Variants in LRP1 observed in about 807,000 individuals in gnomAD.
LRP1 encodes the protein prolow-density lipoprotein receptor-related protein 1.
In LRP1, 51 loss-of-function variants were observed where a neutral mutation model predicts 541.5. The ratio of observed to expected loss-of-function variants is 0.09; its 90% CI spans 0.08 to 0.12. The LOEUF (loss-of-function observed/expected upper bound fraction) is 0.12. LRP1 is among the 10% of genes least tolerant of loss of function. The pLI is 1.00. For missense variants in LRP1, 3,878 were observed against 6,376.2 expected (o/e 0.61, Z 13.34); for synonymous variants, 2,219 against 2,470.8 (o/e 0.90, Z 3.02).
At chr12:57,143,859 G>C in intron 4 of LRP1, 61 bp downstream of exon 4, 1 of 1,547,656 alleles carries the variant, frequency 6.5e-7, no homozygotes. Context: ...GAGGTGGGCA[G>C]GGAGGGGCAG....
At chr12:57,210,520 G>A (rs773130330) in intron 82 of LRP1, 40 bp downstream of exon 82, 4 of 1,509,316 alleles carry the variant, frequency 2.7e-6, no homozygotes, top group African/African-American at 2.8e-5. Flanking sequence ...CCTTGCCCCT[G>A]GGCCCCAGCC....
At chr12:57,192,154 A>C (rs560571430) in intron 44 of LRP1, among the ~76,000 whole-genome samples, 2 of 148,812 alleles carry the variant, frequency 1.3e-5, no homozygotes, top group Non-Finnish European at 3.0e-5. Flanking sequence ...CACCCCACAC[A>C]CCACACCCCA....
At position 57,205,812 on chromosome 12, in the gene LRP1, C is replaced by T. The variant is rs1182769921; in HGVS notation, c.11590+135C>T. 1 of 1,335,464 alleles carries T rather than the reference C, an allele frequency of 7.5e-7. No homozygotes were observed. Among genetic ancestry groups the T allele is most frequent in the Non-Finnish European group, 1.0e-6 (1 of 986,752 alleles). 82.7% of individuals were successfully genotyped at this position (1,335,464 alleles called of 1,614,324 possible). A position where few individuals can be genotyped will look rare whatever the true frequency, so the allele number is the denominator to read the frequency against. On this transcript the variant is annotated intron_variant, in intron 75 of 88. Coordinates refer to ENST00000243077, the MANE Select transcript of LRP1 (RefSeq NM_002332.3). The surrounding 1 kb of genome is among the most constrained non-coding windows in gnomAD (Gnocchi z 4.6). Reference sequence around the variant, plus strand: ...AGAAGCCCCAGACTCATAGTTGCAGCTGCCTGAGCACAGTGCTGGCCCAGC... The same window carrying T: ...AGAAGCCCCAGACTCATAGTTGCAGTTGCCTGAGCACAGTGCTGGCCCAGC...
At chr12:57,143,198 A>G (rs1327367229) in intron 3 of LRP1, among the ~76,000 whole-genome samples, 3 of 152,248 alleles carry the variant, frequency 2.0e-5, no homozygotes, top group African/African-American at 7.2e-5. Flanking sequence ...TGAGGCCTCT[A>G]GGGCTCCGGG....
chr12:57,137,519 G>A (rs2035197678), intron 1 of LRP1, among the ~76,000 whole-genome samples: 1 of 152,144 alleles, frequency 6.6e-6, no homozygotes, highest in African/African-American at 2.4e-5. Context: ...GTCTCCCTGA[G>A]GTCTAACCAA....
chr12:57,185,898 C>A lies in LRP1; in HGVS notation c.6831C>A (p.Thr2277=), dbSNP rs764581334. The A allele has an allele frequency of 6.2e-7, 1 of 1,612,594 alleles. No individual in the cohort carries two copies. The highest frequency in any genetic ancestry group is 8.5e-7 in the Non-Finnish European group (1 of 1,178,938). Residue 2277 remains threonine (T), a synonymous_variant, in exon 41 of 89, where the codon ACC becomes ACA. Transcript: ENST00000243077. This position sits in a 1 kb window ranked among gnomAD's most constrained non-coding sequence, Gnocchi z 4.9. ...QINDDGSRRI[T]IVENVGSVEG... is the part of the protein sequence containing the mutation. ...ACGACGATGGCTCCAGGAGGATCACCATTGTGGAAAGTGAGCCCAGACCCT... is the reference window on the plus strand; with the variant it reads ...ACGACGATGGCTCCAGGAGGATCACAATTGTGGAAAGTGAGCCCAGACCCT...
chr12:57,144,876 C>A, intron 4 of LRP1, 96 bp from the exon 5 acceptor site: 1 of 1,238,344 alleles, frequency 8.1e-7, no homozygotes, highest in Non-Finnish European at 1.2e-6. Context: ...TTCAAGGTAG[C>A]TGTAAGGATG....
Position 57,209,751 on chromosome 12 carries a change from A to C in LRP1, c.12322A>C (p.Ile4108Leu), listed in dbSNP as rs770195461. 41 of 1,614,086 alleles carry C rather than the reference A, an allele frequency of 2.5e-5. No homozygotes were observed. Among genetic ancestry groups the C allele is most frequent in the Non-Finnish European group, 3.0e-5 (35 of 1,180,038 alleles). Residue 4108 changes from isoleucine to leucine, a missense_variant, in exon 80 of 89, where the codon ATC (isoleucine) becomes CTC (leucine). Ile to Leu is a conservative substitution (Grantham distance 5). This residue lies in a region of LRP1 where 871 missense variants were observed against 1,212.4 expected (regional missense o/e 0.72). Coordinates refer to ENST00000243077, the MANE Select transcript of LRP1 (RefSeq NM_002332.3). ...FEDYIYGVTY[I>L]NNRVFKIHKF... ...GGATTACATCTATGGTGTCACCTAC[A>C]TCAATAATCGTGTCTTCAAGATCCA...
Position 57,173,176 on chromosome 12 carries a change from C to G in LRP1, c.3172C>G (p.Pro1058Ala). 6.2e-7 allele frequency: 1 copy of G among 1,602,756 alleles called. No homozygotes were observed. Among genetic ancestry groups the G allele is most frequent in the Non-Finnish European group, 8.5e-7 (1 of 1,173,712 alleles). Reference sequence around the variant, plus strand: ...CCACTGTCCCTCTGCAGCCACGAGGCCCCCTGGTGGCTGCCACACTGATGA... The same window carrying G: ...CCACTGTCCCTCTGCAGCCACGAGGGCCCCTGGTGGCTGCCACACTGATGA... ...HANCTNQATR[P>A]PGGCHTDEFQ... The change falls in exon 21 of 89, where the codon CCC becomes GCC. Residue 1058 changes from proline (P) to alanine (A), a missense_variant. Around this residue, in one of 13 missense-constraint regions of LRP1, gnomAD observed 320 missense variants for 547.9 expected, o/e 0.58. Transcript: ENST00000243077. This position sits in a 1 kb window ranked among gnomAD's most constrained non-coding sequence, Gnocchi z 4.7.
chr12:57,149,404 C>T (rs2035482457), intron 6 of LRP1: 2 of 561,312 alleles, frequency 3.6e-6, no homozygotes, highest in Admixed American at 3.2e-5. Context: ...GGCCCAGATC[C>T]AGCCCTGTCC....
rs771014376 is a variant in LRP1, at chr12:57,194,628, G to T, written c.8120G>T (p.Arg2707Leu). 6.2e-7 allele frequency: 1 copy of T among 1,609,610 alleles called. No homozygotes were observed. Among genetic ancestry groups the T allele is most frequent in the Non-Finnish European group, 8.5e-7 (1 of 1,178,734 alleles). ...AATTACTTCGCCTGCCCTAGTGGGC[G>T]CTGCATCCCCATGAGCTGGACGTGT... Reference protein sequence around the residue: ...PLNYFACPSGRCIPMSWTCDK... With the variant: ...PLNYFACPSGLCIPMSWTCDK... Residue 2707 changes from arginine to leucine, a missense_variant, in exon 50 of 89, where the codon CGC (arginine) becomes CTC (leucine). Physicochemically the swap from Arg to Leu is moderately radical, Grantham distance 102. This residue lies in a region of LRP1 where 1,100 missense variants were observed against 1,827.4 expected (regional missense o/e 0.60). Transcript: ENST00000243077.
intron 1 of LRP1, among the ~76,000 whole-genome samples, chr12:57,137,195 C>T (rs1183203714): frequency 2.0e-5 from 3 of 149,834 alleles, no homozygotes; most frequent in African/African-American, 4.9e-5. Context: ...GAGCCAAGAT[C>T]GTGCCATTGC....
intron 47 of LRP1, 37 bp from the exon 48 acceptor site, chr12:57,193,862 A>G (rs867596613): frequency 4.4e-6 from 7 of 1,602,284 alleles, no homozygotes; most frequent in Middle Eastern, 3.6e-4. Context: ...CACAGAGAAA[A>G]CTCTGGCCTG....
At position 57,213,344 on chromosome 12, in the gene LRP1, A is replaced by T. The variant is rs2036960782; in HGVS notation, c.*789A>T. On this transcript the variant is annotated 3_prime_UTR_variant, in exon 89 of 89. Transcript: ENST00000243077. ...ATATTGTTATAAATAAAATTGTAAA[A>T]AAAAAAAAAAAAAAAAAGGCCAAAA... 1.3e-4 allele frequency: 1 copy of T among 7,988 alleles called. No homozygotes were observed. Among genetic ancestry groups the T allele is most frequent in the East Asian group, 9.8e-3 (1 of 102 alleles). 0.5% of individuals were successfully genotyped at this position (7,988 alleles called of 1,614,324 possible). A position where few individuals can be genotyped will look rare whatever the true frequency, so the allele number is the denominator to read the frequency against.
chr12:57,199,750 C>T, intron 61 of LRP1, 127 bp from the exon 62 acceptor site: 1 of 1,167,278 alleles, frequency 8.6e-7, no homozygotes, highest in Non-Finnish European at 1.2e-6. Flanking sequence ...CTCCTATCTC[C>T]AGCTTCAGCT....
chr12:57,195,044 T>C lies in LRP1; in HGVS notation c.8251T>C (p.Trp2751Arg), dbSNP rs1422866872. The C allele has an allele frequency of 6.2e-7, 1 of 1,614,086 alleles. No homozygotes were observed. The highest frequency in any genetic ancestry group is 8.5e-7 in the Non-Finnish European group (1 of 1,179,978). Residue 2751 changes from tryptophan to arginine, a missense_variant, in exon 51 of 89, where the codon TGG becomes CGG. Physicochemically the swap from Trp to Arg is moderately radical, Grantham distance 101 (BLOSUM62 -3). Around this residue, in one of 13 missense-constraint regions of LRP1, gnomAD observed 1,100 missense variants for 1,827.4 expected, o/e 0.60. Transcript: ENST00000243077. Reference protein sequence around the residue: ...CQNHRCISKQWLCDGSDDCGD... With the variant: ...CQNHRCISKQRLCDGSDDCGD... ...GAACCATCGCTGCATCTCCAAGCAGTGGCTGTGTGACGGCAGCGATGACTG... is the reference window on the plus strand; with the variant it reads ...GAACCATCGCTGCATCTCCAAGCAGCGGCTGTGTGACGGCAGCGATGACTG...
intron 42 of LRP1, among the ~76,000 whole-genome samples, chr12:57,188,160 G>C (rs1050919901): frequency 6.6e-6 from 1 of 152,202 alleles, no homozygotes; most frequent in Non-Finnish European, 1.5e-5. Flanking sequence ...AAGCACCCGG[G>C]GGTGGGTGCT....
In LRP1 at chr12:57,180,734, G is replaced by C; in HGVS notation, c.5454G>C (p.Ser1818=). The change falls in exon 33 of 89, where the codon TCG becomes TCC. Residue 1818 remains serine, a synonymous_variant. Transcript: ENST00000243077. ...KMGTCSKADG[S]GSVVLRNSTT... Reference sequence around the variant, plus strand: ...GCACATGCAGCAAGGCTGACGGCTCGGGCTCCGTGGTCCTTCGGAACAGCA... The same window carrying C: ...GCACATGCAGCAAGGCTGACGGCTCCGGCTCCGTGGTCCTTCGGAACAGCA... 1 of 1,614,076 alleles carries C rather than the reference G, an allele frequency of 6.2e-7. No individual in the cohort carries two copies. The highest frequency in any genetic ancestry group is 8.5e-7 in the Non-Finnish European group (1 of 1,179,938).
At position 57,179,620 on chromosome 12, in the gene LRP1, A is replaced by T. The variant is rs1168615901; in HGVS notation, c.4966+64A>T. ...CACCTCCACCCGCCCCTTGCTCCCA[A>T]CCCTGGTCTACTTGGTCCGAGTGGT... is the stretch of plus-strand genomic sequence containing the variant. On this transcript the variant is annotated intron_variant, in intron 29 of 88. Coordinates refer to ENST00000243077, the MANE Select transcript of LRP1 (RefSeq NM_002332.3). This position sits in a 1 kb window ranked among gnomAD's most constrained non-coding sequence, Gnocchi z 6.8. 2.0e-6 allele frequency: 3 copies of T among 1,501,392 alleles called. No individual in the cohort carries two copies. Among genetic ancestry groups the T allele is most frequent in the Non-Finnish European group, 2.8e-6 (3 of 1,084,296 alleles). The allele number at this position is 1,501,392 out of a possible 1,614,324, so 93.0% of individuals were successfully genotyped here.
Sources: gnomAD v4.1 joint callset for allele counts (sites outside exome capture counted in the v4.1 genomes callset) on GRCh38, gnomAD v4.1.1 for gene constraint, gnomAD v4.1.1 regional missense constraint, Gnocchi (gnomAD v3.1) non-coding constraint, MANE v1.5 for transcripts, NCBI Gene and HGNC (gene_info 2026-07-23, HGNC 2026-07-21) for gene names.